The following HPGDS variants were observed in gnomAD, a reference collection of about 807,000 sequenced individuals.
HPGDS encodes the protein GST class-sigma.
HPGDS carries 26 observed loss-of-function variants against 23.1 expected under a neutral mutation model. That is an observed-to-expected ratio of 1.13 (90% CI 0.83 to 1.56). The LOEUF (loss-of-function observed/expected upper bound fraction) is 1.56. Ranked by LOEUF, HPGDS falls within the 40% of genes most tolerant of loss-of-function variation. The pLI, the probability that HPGDS is intolerant of heterozygous loss-of-function variation, is 0.00. For synonymous variants in HPGDS, 95 were observed against 77.9 expected (o/e 1.22, Z -1.16); for missense variants, 268 against 236.4 (o/e 1.13, Z -0.88).
chr4:94,302,403 G>T (rs1756060720), intron 4 of HPGDS, among the ~76,000 whole-genome samples, 159 bp from the exon 5 acceptor site: 1 of 152,004 alleles, frequency 6.6e-6, no homozygotes, highest in Non-Finnish European at 1.5e-5. Flanking sequence ...GGAGATTTAG[G>T]TCTGATTCTC....
At chr4:94,316,602 C>G (rs539138019) in intron 3 of HPGDS, among the ~76,000 whole-genome samples, 1 of 152,288 alleles carries the variant, frequency 6.6e-6, no homozygotes, top group Non-Finnish European at 1.5e-5. Context: ...TAATCAGATC[C>G]AATCTATCCT....
chr4:94,319,368 A>AT (rs959862247), intron 2 of HPGDS, among the ~76,000 whole-genome samples: 3 of 151,868 alleles, frequency 2.0e-5, no homozygotes. Flanking sequence ...TTTATGGAAT[A>AT]TTTTTTTCCA....
rs138599864 is a variant in HPGDS at position 94,300,701 on chromosome 4, A to G, written c.436-1057T>C. ...GCTTTTATTTTAGAAGGGAAAAGCA[A>G]ATATGCAAAATGATAGGGGTTAGGA... On this transcript the variant is annotated intron_variant, in intron 5 of 5. Transcript: ENST00000295256. Among the ~76,000 whole-genome samples the G allele has an allele frequency of 3.6e-4, 55 of 151,834 alleles. No homozygotes were observed. The East Asian group carries it at 9.4e-3, about 26-fold the overall frequency.
intron 1 of HPGDS, 34 bp from the exon 2 acceptor site, chr4:94,334,672 A>G (rs188889586): frequency 5.5e-5 from 87 of 1,585,152 alleles, no homozygotes; most frequent in Middle Eastern, 1.7e-4. Flanking sequence ...TTATTTTAAG[A>G]GCCCTCTAGA....
intron 2 of HPGDS, among the ~76,000 whole-genome samples, chr4:94,319,913 A>AC (rs1454158592): frequency 6.6e-6 from 1 of 151,480 alleles, no homozygotes; most frequent in African/African-American, 2.4e-5. Context: ...CCTCCCCTCT[A>AC]CCCCCACCCT....
At chr4:94,312,389 G>A (rs750385710) in intron 3 of HPGDS, among the ~76,000 whole-genome samples, 20 of 152,174 alleles carry the variant, frequency 1.3e-4, no homozygotes, top group African/African-American at 1.9e-4. Context: ...CCTTCATTTC[G>A]TTATGTACCC....
intron 1 of HPGDS, among the ~76,000 whole-genome samples, chr4:94,342,085 T>C (rs1298803739): frequency 1.3e-5 from 2 of 152,126 alleles, no homozygotes; most frequent in African/African-American, 4.8e-5. Context: ...AGTAAGATAT[T>C]GATTTCAATC....
At chr4:94,334,411 A>G in intron 2 of HPGDS, 86 bp downstream of exon 2, 3 of 1,298,706 alleles carry the variant, frequency 2.3e-6, no homozygotes, top group South Asian at 1.6e-5. Context: ...AGCTTCGAAA[A>G]CCTTGATTTT....
intron 2 of HPGDS, among the ~76,000 whole-genome samples, chr4:94,328,434 G>C (rs1241545988): frequency 6.6e-6 from 1 of 152,156 alleles, no homozygotes; most frequent in African/African-American, 2.4e-5. Flanking sequence ...ATATCGGACA[G>C]ACTGATAGCA....
intron 2 of HPGDS, among the ~76,000 whole-genome samples, chr4:94,332,614 C>T (rs536610671): frequency 1.9e-4 from 29 of 152,362 alleles, no homozygotes; most frequent in African/African-American, 6.7e-4. Context: ...TGCTTGCTCA[C>T]GTGCTCCCTC....
Position 94,302,255 on chromosome 4 carries a change from G to A in HPGDS, c.337-11C>T, listed in dbSNP as rs775200496. 6.4e-6 allele frequency: 10 copies of A among 1,573,150 alleles called. No homozygotes were observed. The Middle Eastern group carries it at 5.0e-4, about 79-fold the overall frequency. ...ATTGAACATCTGCTCCTAGGAGAAG[G>A]AGAAAATATCACTTTAAGAATAATG... On this transcript the variant is annotated splice_polypyrimidine_tract_variant and intron_variant, in intron 4 of 5. Coordinates refer to ENST00000295256, the MANE Select transcript of HPGDS (RefSeq NM_014485.3).
chr4:94,313,079 G>A (rs1756312920), intron 3 of HPGDS, among the ~76,000 whole-genome samples: 1 of 152,120 alleles, frequency 6.6e-6, no homozygotes, highest in African/African-American at 2.4e-5. Flanking sequence ...GATGGGTCTT[G>A]ACTCTTTATC....
intron 3 of HPGDS, among the ~76,000 whole-genome samples, chr4:94,313,185 G>T (rs1039020506): frequency 6.6e-6 from 1 of 152,194 alleles, no homozygotes; most frequent in African/African-American, 2.4e-5. Flanking sequence ...TCATTATGAT[G>T]TTAGCTGGTT....
chr4:94,332,434 C>T (rs965329201), intron 2 of HPGDS, among the ~76,000 whole-genome samples: 1 of 152,218 alleles, frequency 6.6e-6, no homozygotes, highest in African/African-American at 2.4e-5. Context: ...AGGCAAGAGG[C>T]CCACTGAGCT....
chr4:94,318,076 A>C (rs1756431780), intron 2 of HPGDS, 111 bp from the exon 3 acceptor site: 2 of 667,172 alleles, frequency 3.0e-6, no homozygotes, highest in East Asian at 5.5e-5. Context: ...GAATCATGAA[A>C]TTCTTAAATA....
chr4:94,303,596 A>C lies in HPGDS; in HGVS notation c.337-1352T>G, dbSNP rs1032727893. On this transcript the variant is annotated intron_variant, in intron 4 of 5. Coordinates refer to ENST00000295256, the MANE Select transcript of HPGDS (RefSeq NM_014485.3). ...GTATGTTCATAGTTTTAAAGAAAACATTAGTTATGAGTCTTTCTGCTGCTT... is the reference window on the plus strand; with the variant it reads ...GTATGTTCATAGTTTTAAAGAAAACCTTAGTTATGAGTCTTTCTGCTGCTT... Among the ~76,000 whole-genome samples, 9 of 152,154 alleles carry C rather than the reference A, an allele frequency of 5.9e-5. No individual in the cohort carries two copies. In the South Asian group the frequency reaches 1.9e-3, roughly 32 times the overall value.
At chr4:94,318,607 A>G (rs1756442071) in intron 2 of HPGDS, among the ~76,000 whole-genome samples, 1 of 152,078 alleles carries the variant, frequency 6.6e-6, no homozygotes. Flanking sequence ...TATAATTTTC[A>G]TTTTTAAAAA....
chr4:94,309,752 T>A (rs1192172560), intron 3 of HPGDS, among the ~76,000 whole-genome samples: 1 of 151,712 alleles, frequency 6.6e-6, no homozygotes, highest in Non-Finnish European at 1.5e-5. Flanking sequence ...ACCAACAGTG[T>A]AAAAGTGTTC....
chr4:94,314,604 G>T (rs904532088), intron 3 of HPGDS, among the ~76,000 whole-genome samples: 1 of 152,188 alleles, frequency 6.6e-6, no homozygotes, highest in Admixed American at 6.5e-5. Flanking sequence ...ACTTGAGGAG[G>T]CAGTCTGTCC....
Sources: allele counts gnomAD v4.1 joint callset (sites outside exome capture counted in the v4.1 genomes callset), GRCh38; gene constraint gnomAD v4.1.1; transcripts MANE v1.5; gene names NCBI Gene and HGNC (gene_info 2026-07-23, HGNC 2026-07-21).